Variants in CCAR1 observed in about 807,000 individuals in gnomAD.
The protein encoded by CCAR1 is cell division cycle and apoptosis regulator protein 1.
In CCAR1, 78 loss-of-function variants were observed where a neutral mutation model predicts 163.8. The observed-to-expected ratio is 0.48, with a 90% CI of 0.40 to 0.57. CCAR1 has a LOEUF of 0.57. Among genes scored for constraint, CCAR1 ranks in the 20% least tolerant of loss-of-function variants. CCAR1 has a pLI of 0.00. For missense variants in CCAR1, 1,019 were observed against 1,365.2 expected (o/e 0.75, Z 4.00); for synonymous variants, 443 against 460.7 (o/e 0.96, Z 0.49).
At chr10:68,768,086 A>G (rs1564546117) in intron 17 of CCAR1, among the ~76,000 whole-genome samples, 1 of 152,188 alleles carries the variant, frequency 6.6e-6, no homozygotes, top group Non-Finnish European at 1.5e-5. Context: ...TCTTTGAACC[A>G]GAAGGTCATT....
intron 4 of CCAR1, among the ~76,000 whole-genome samples, chr10:68,739,781 GTT>G (rs1564532211): frequency 7.2e-5 from 11 of 152,198 alleles, no homozygotes; most frequent in Admixed American, 2.0e-4. Flanking sequence ...CTACTCAACT[GTT>G]CTTAACTTAC....
Position 68,754,042 on chromosome 10 carries a change from G to T in CCAR1, c.1309G>T (p.Asp437Tyr). The change falls in exon 11 of 25, where the codon GAT becomes TAT. Residue 437 changes from aspartate (D) to tyrosine (Y), a missense_variant. Coordinates refer to ENST00000265872, the MANE Select transcript of CCAR1 (RefSeq NM_018237.4). Reference sequence around the variant, plus strand: ...CTTAGAAAAAAATATGGCCATTCTTGATCCACCAGATGCTGACCACTTATA... The same window carrying T: ...CTTAGAAAAAAATATGGCCATTCTTTATCCACCAGATGCTGACCACTTATA... ...ESLEKNMAIL[D>Y]PPDADHLYSA... The T allele has an allele frequency of 6.2e-7, 1 of 1,613,722 alleles. No individual in the cohort carries two copies. The highest frequency in any genetic ancestry group is 8.5e-7 in the Non-Finnish European group (1 of 1,179,756).
intron 10 of CCAR1, among the ~76,000 whole-genome samples, chr10:68,751,274 G>T (rs1054239369): frequency 2.0e-5 from 3 of 151,704 alleles, no homozygotes; most frequent in African/African-American, 7.3e-5. Context: ...TGATCCAGTC[G>T]CCTCAGCCTC....
intron 2 of CCAR1, among the ~76,000 whole-genome samples, chr10:68,734,610 G>T (rs1048645942): frequency 1.3e-5 from 2 of 151,874 alleles, no homozygotes; most frequent in East Asian, 3.9e-4. Flanking sequence ...AGTGATTCTC[G>T]TGCCTCAGCC....
intron 19 of CCAR1, among the ~76,000 whole-genome samples, chr10:68,781,411 C>T (rs1487159215): frequency 5.4e-5 from 8 of 149,258 alleles, no homozygotes; most frequent in South Asian, 2.1e-4. Context: ...GGCGTGGTGG[C>T]GGGCACCTGT....
At position 68,756,419 on chromosome 10, in the gene CCAR1, G is replaced by A. The variant is rs1361963451; in HGVS notation, c.1772G>A (p.Arg591Gln). ...PTRSEWETLS[R>Q]GYKQQLVEKL... The stretch of plus-strand genomic sequence containing the variant: ...CGCTCAGAGTGGGAAACCCTCTCCC[G>A]AGGATACAAGCAGCAGCTGGTCGAG... The change falls in exon 14 of 25, where the codon CGA becomes CAA. Residue 591 changes from arginine (R) to glutamine (Q), a missense_variant. Transcript: ENST00000265872. The surrounding 1 kb of genome is among the most constrained non-coding windows in gnomAD (Gnocchi z 5.1). 9 of 1,613,670 alleles carry A rather than the reference G, an allele frequency of 5.6e-6. No individual in the cohort carries two copies. The highest frequency in any genetic ancestry group is 2.2e-5 in the East Asian group (1 of 44,858).
At chr10:68,735,608 G>A (rs1236372341) in intron 2 of CCAR1, 1 of 151,912 alleles carries the variant, frequency 6.6e-6, no homozygotes, top group East Asian at 1.9e-4. Context: ...ATCTCACTTT[G>A]TTGCCCAGGT....
In CCAR1 at chr10:68,765,960, C is replaced by A; in HGVS notation, c.2179C>A (p.Pro727Thr). The change falls in exon 17 of 25, where the codon CCG (proline) becomes ACG (threonine). Residue 727 changes from proline (P) to threonine (T), a missense_variant. Pro to Thr is a conservative substitution (Grantham distance 38). This residue lies in a region of CCAR1 where 644 missense variants were observed against 904.4 expected (regional missense o/e 0.71). Coordinates refer to ENST00000265872, the MANE Select transcript of CCAR1 (RefSeq NM_018237.4). ...RERRYILPDE[P>T]AIIVHPNWAA... ...AAGAAGATATATTTTGCCTGATGAA[C>A]CGGCCATCATTGTACATCCAAATTG... 1 of 1,613,938 alleles carries A rather than the reference C, an allele frequency of 6.2e-7. No homozygotes were observed.
chr10:68,784,457 T>TGC (rs2056772597), intron 19 of CCAR1, among the ~76,000 whole-genome samples: 1 of 151,874 alleles, frequency 6.6e-6, no homozygotes, highest in Non-Finnish European at 1.5e-5. Flanking sequence ...AAGTGATCCA[T>TGC]CTGCCTCGGG....
intron 19 of CCAR1, among the ~76,000 whole-genome samples, chr10:68,779,261 CTT>C (rs5785871): frequency 1.6e-3 from 225 of 143,666 alleles, no homozygotes; most frequent in Admixed American, 1.7e-3. Flanking sequence ...CAATAAGATA[CTT>C]TTTTTTTTTT....
Position 68,749,194 on chromosome 10 carries a change from A to G in CCAR1, c.885A>G (p.Leu295=), listed in dbSNP as rs994442361. The G allele has an allele frequency of 1.2e-6, 2 of 1,613,644 alleles. No homozygotes were observed. The highest frequency in any genetic ancestry group is 2.7e-5 in the African/African-American group (2 of 74,914). ...CACAGCCACAACCGGCACGACGATT[A>G]GATCCCCCATCCCGATTTTCAGGAA... ...IVSQPQPARR[L]DPPSRFSGRN... is the part of the protein sequence containing the mutation. The change falls in exon 9 of 25, where the codon TTA becomes TTG. Residue 295 remains leucine, a synonymous_variant. Coordinates refer to ENST00000265872, the MANE Select transcript of CCAR1 (RefSeq NM_018237.4).
intron 10 of CCAR1, among the ~76,000 whole-genome samples, 168 bp from the exon 11 acceptor site, chr10:68,753,684 C>T (rs551969149): frequency 5.5e-4 from 84 of 152,196 alleles, no homozygotes; most frequent in African/African-American, 1.2e-3. Flanking sequence ...TAAATTTGAA[C>T]GTAATATTTT....
chr10:68,782,334 C>T (rs1321193507), intron 19 of CCAR1, among the ~76,000 whole-genome samples: 4 of 151,884 alleles, frequency 2.6e-5, no homozygotes, highest in Non-Finnish European at 5.9e-5. Flanking sequence ...TTGCTTGAGC[C>T]CAGGCATTTA....
At chr10:68,739,776 C>T (rs1371186233) in intron 4 of CCAR1, among the ~76,000 whole-genome samples, 1 of 152,158 alleles carries the variant, frequency 6.6e-6, no homozygotes, top group East Asian at 1.9e-4. Flanking sequence ...TGGCACTACT[C>T]AACTGTTCTT....
chr10:68,788,522 G>A (rs915745973), intron 23 of CCAR1, among the ~76,000 whole-genome samples, 194 bp downstream of exon 23: 3 of 152,100 alleles, frequency 2.0e-5, no homozygotes, highest in South Asian at 2.1e-4. Context: ...GTCTCACTCC[G>A]TTACCCAAGT....
intron 1 of CCAR1, 148 bp downstream of exon 1, chr10:68,721,430 C>T: frequency 3.3e-6 from 1 of 304,726 alleles, no homozygotes; most frequent in Non-Finnish European, 6.4e-6. Flanking sequence ...GGGACTGGGA[C>T]GGGAGGGACG....
chr10:68,783,797 GC>G (rs1162775799), intron 19 of CCAR1, among the ~76,000 whole-genome samples: 1 of 151,428 alleles, frequency 6.6e-6, no homozygotes, highest in Non-Finnish European at 1.5e-5. Flanking sequence ...TTGCTCTGTC[GC>G]CCAGGCTAGA....
intron 19 of CCAR1, among the ~76,000 whole-genome samples, chr10:68,785,838 A>G (rs556039856): frequency 6.6e-6 from 1 of 152,318 alleles, no homozygotes; most frequent in African/African-American, 2.4e-5. Flanking sequence ...GACATTTCTT[A>G]TAAATGGAAT....
At chr10:68,750,998 T>C (rs929138535) in intron 10 of CCAR1, among the ~76,000 whole-genome samples, 10 of 152,032 alleles carry the variant, frequency 6.6e-5, no homozygotes, top group African/African-American at 2.4e-4. Flanking sequence ...CTCTTACTTA[T>C]GGTCAAATCA....
Sources: allele counts gnomAD v4.1 joint callset (sites outside exome capture counted in the v4.1 genomes callset), GRCh38; gene constraint gnomAD v4.1.1; regional missense constraint gnomAD v4.1.1; non-coding constraint Gnocchi (gnomAD v3.1); transcripts MANE v1.5; gene names NCBI Gene and HGNC (gene_info 2026-07-23, HGNC 2026-07-21).